The following NOD1 variants were observed in gnomAD, a reference collection of about 807,000 sequenced individuals.
NOD1 encodes nucleotide binding oligomerization domain containing 1, also known as nucleotide-binding oligomerization domain-containing protein 1.
A neutral mutation model predicts 81.2 loss-of-function variants in NOD1; 70 were observed. The ratio of observed to expected loss-of-function variants is 0.86; its 90% CI spans 0.71 to 1.05. NOD1 has a LOEUF of 1.05. Ranked by LOEUF, NOD1 falls within the 50% of genes least tolerant of loss-of-function variation. The pLI is 0.00. For synonymous variants in NOD1, 508 were observed against 526.9 expected (o/e 0.96, Z 0.49); for missense variants, 1,233 against 1,228.0 (o/e 1.00, Z -0.06).
rs73687875 is a variant in NOD1 at position 30,472,443 on chromosome 7, C to T, written c.-352+6163G>A. Reference sequence around the variant, plus strand: ...CCAGACTCTCCTAATTCTAGTTCTGCTCTGATCTCCTGTCTCATGACATGC... The same window carrying T: ...CCAGACTCTCCTAATTCTAGTTCTGTTCTGATCTCCTGTCTCATGACATGC... On this transcript the variant is annotated intron_variant, in intron 1 of 13. Transcript: ENST00000222823. Among the ~76,000 whole-genome samples the T allele has an allele frequency of 6.2e-3, 952 of 152,354 alleles. 9 individuals carry two copies. The highest frequency in any genetic ancestry group is 0.022 in the African/African-American group (896 of 41,566).
chr7:30,468,162 C>T (rs1021760590), intron 1 of NOD1, among the ~76,000 whole-genome samples: 3 of 152,132 alleles, frequency 2.0e-5, no homozygotes, highest in African/African-American at 7.2e-5. Context: ...TTTAAAATCC[C>T]AGAGCCACAA....
chr7:30,447,765 T>C (rs1785257161), intron 7 of NOD1: 1 of 154,868 alleles, frequency 6.5e-6, no homozygotes, highest in African/African-American at 2.4e-5. Context: ...TTTCTCACAA[T>C]TCTTTTGGCA....
intron 5 of NOD1, among the ~76,000 whole-genome samples, chr7:30,454,351 G>C (rs1473428422): frequency 6.6e-6 from 1 of 152,222 alleles, no homozygotes; most frequent in Non-Finnish European, 1.5e-5. Context: ...ACATGCCTTG[G>C]ACTGCCGCTG....
intron 5 of NOD1, among the ~76,000 whole-genome samples, chr7:30,453,981 GAA>G (rs1053330112): frequency 6.6e-6 from 1 of 152,246 alleles, no homozygotes; most frequent in Non-Finnish European, 1.5e-5. Flanking sequence ...AACCAACAGA[GAA>G]GTCTTTCGAA....
At position 30,439,050 on chromosome 7, in the gene NOD1, T is replaced by G. The variant is rs1444117367; in HGVS notation, c.2454-1394A>C. ...ACCACAATGAGACAGGACCTCACACTCATTAGGATGGGTACTGTCAAAAAG... is the reference window on the plus strand; with the variant it reads ...ACCACAATGAGACAGGACCTCACACGCATTAGGATGGGTACTGTCAAAAAG... On this transcript the variant is annotated intron_variant, in intron 9 of 13. Transcript: ENST00000222823. Among the ~76,000 whole-genome samples the G allele has an allele frequency of 2.6e-5, 4 of 152,132 alleles. No individual in the cohort carries two copies. In the East Asian group the frequency reaches 7.7e-4, roughly 29 times the overall value.
At chr7:30,455,460 A>T in intron 4 of NOD1, 149 bp from the exon 5 acceptor site, 1 of 599,562 alleles carries the variant, frequency 1.7e-6, no homozygotes, top group Non-Finnish European at 2.9e-6. Context: ...CAGTCAACAT[A>T]TTGGAGCCCG....
intron 4 of NOD1, 21 bp downstream of exon 4, chr7:30,456,700 C>G (rs762660128): frequency 6.2e-7 from 1 of 1,610,966 alleles, no homozygotes; most frequent in Middle Eastern, 1.9e-4. Context: ...AATGCCATGC[C>G]CGTCCCTGTC....
intron 11 of NOD1, chr7:30,433,507 C>T: frequency 2.8e-6 from 1 of 352,806 alleles, no homozygotes. Flanking sequence ...CCAATGCCTG[C>T]TTCTCAGTTC....
At chr7:30,445,141 T>A (rs1583706488) in intron 9 of NOD1, among the ~76,000 whole-genome samples, 1 of 71,788 alleles carries the variant, frequency 1.4e-5, no homozygotes, top group African/African-American at 7.1e-5. Context: ...GGGATAGCAT[T>A]GGGAGATATA....
chr7:30,453,064 A>G (rs779392646), intron 5 of NOD1, 24 bp from the exon 6 acceptor site: 42 of 1,584,354 alleles, frequency 2.7e-5, no homozygotes, highest in Non-Finnish European at 3.6e-5. Context: ...GTGGCAGGGC[A>G]CAGCAGCAGG....
At chr7:30,433,207 C>G in intron 11 of NOD1, 28 bp from the exon 12 acceptor site, 1 of 1,551,066 alleles carries the variant, frequency 6.4e-7, no homozygotes, top group East Asian at 2.2e-5. Context: ...AGTATTTACT[C>G]AAGAGAGCCT....
Position 30,435,915 on chromosome 7 carries a change from A to C in NOD1, c.2621+83T>G, listed in dbSNP as rs549355302. The C allele has an allele frequency of 6.5e-5, 74 of 1,142,446 alleles. 1 individual carries two copies. The South Asian group carries it at 9.0e-4, about 14-fold the overall frequency. 70.8% of individuals were successfully genotyped at this position (1,142,446 alleles called of 1,614,324 possible). A position where few individuals can be genotyped will look rare whatever the true frequency, so the allele number is the denominator to read the frequency against. ...GGAGGCTGCAGTGAGCTGAGATCAC[A>C]CCAATGCACTCAAGCCTGGACGACA... On this transcript the variant is annotated intron_variant, in intron 11 of 13. Transcript: ENST00000222823.
At chr7:30,475,828 A>G (rs1788720296) in intron 1 of NOD1, 1 of 152,240 alleles carries the variant, frequency 6.6e-6, no homozygotes, top group African/African-American at 2.4e-5. Context: ...CAGCTAACTG[A>G]CATGCCAGTG....
intron 9 of NOD1, among the ~76,000 whole-genome samples, chr7:30,445,702 T>C (rs1362814300): frequency 1.5e-5 from 2 of 131,134 alleles, no homozygotes; most frequent in African/African-American, 3.0e-5. Context: ...GAGGTTGCAG[T>C]GAGCCGAGAT....
At chr7:30,461,689 T>C (rs190701810) in intron 1 of NOD1, among the ~76,000 whole-genome samples, 1 of 152,352 alleles carries the variant, frequency 6.6e-6, no homozygotes, top group Non-Finnish European at 1.5e-5. Flanking sequence ...TCAGAGTTCC[T>C]GCCTGCTGCC....
chr7:30,430,679 A>T (rs1172827973), intron 12 of NOD1, among the ~76,000 whole-genome samples: 1 of 152,256 alleles, frequency 6.6e-6, no homozygotes, highest in African/African-American at 2.4e-5. Context: ...CAGTTGTGTC[A>T]TCTGTAAACT....
Position 30,452,100 on chromosome 7 carries a change from G to C in NOD1, c.1317C>G (p.Ser439Arg). The change falls in exon 6 of 14, where the codon AGC becomes AGG. Residue 439 changes from serine to arginine, a missense_variant. Ser to Arg is a moderately radical substitution (Grantham distance 110). Transcript: ENST00000222823. Reference sequence around the variant, plus strand: ...TGCGTGTGTTCCGCTGCACCAGGCTGCTGGGCTGCATCCTGTTCAGATGGA... The same window carrying C: ...TGCGTGTGTTCCGCTGCACCAGGCTCCTGGGCTGCATCCTGTTCAGATGGA... The part of the protein sequence containing the change: ...TEVHLNRMQP[S>R]SLVQRNTRSP... 6.2e-7 allele frequency: 1 copy of C among 1,613,876 alleles called. No individual in the cohort carries two copies. Among genetic ancestry groups the C allele is most frequent in the Non-Finnish European group, 8.5e-7 (1 of 1,180,022 alleles).
rs1251520161 is a variant in NOD1, at chr7:30,452,555, C to T, written c.862G>A (p.Glu288Lys). The change falls in exon 6 of 14, where the codon GAG becomes AAG. Residue 288 changes from glutamate to lysine, a missense_variant. Physicochemically the swap from Glu to Lys is moderately conservative, Grantham distance 56. Transcript: ENST00000222823. ...CTCAGGTCCAAGTCCGAGTGCAGCT[C>T]GTCCAGGCCATCGAAGGTGAAGAGG... is the stretch of plus-strand genomic sequence containing the variant. Reference protein sequence around the residue: ...VALFTFDGLDELHSDLDLSRV... With the variant: ...VALFTFDGLDKLHSDLDLSRV... 5 of 1,613,104 alleles carry T rather than the reference C, an allele frequency of 3.1e-6. No homozygotes were observed. The highest frequency in any genetic ancestry group is 2.2e-5 in the East Asian group (1 of 44,892).
At chr7:30,472,657 G>A (rs565634330) in intron 1 of NOD1, among the ~76,000 whole-genome samples, 4 of 152,360 alleles carry the variant, frequency 2.6e-5, no homozygotes, top group South Asian at 2.1e-4. Context: ...AAATGAGGTC[G>A]TGGGGGTGGA....
Sources: allele counts gnomAD v4.1 joint callset (sites outside exome capture counted in the v4.1 genomes callset), GRCh38; gene constraint gnomAD v4.1.1; transcripts MANE v1.5; gene names NCBI Gene and HGNC (gene_info 2026-07-23, HGNC 2026-07-21).